The following TMEM243 variants were observed in gnomAD, a reference collection of about 807,000 sequenced individuals.
TMEM243 encodes transmembrane protein 243.
Under a neutral mutation model 15.0 loss-of-function variants are expected in TMEM243, and 20 were observed. The ratio of observed to expected loss-of-function variants is 1.33; its 90% CI spans 0.94 to 1.93. The LOEUF (loss-of-function observed/expected upper bound fraction) is 1.93, where lower values mean the gene tolerates loss of function less well. Ranked by LOEUF, TMEM243 falls within the 30% of genes most tolerant of loss-of-function variation. The pLI is 0.00. For missense variants in TMEM243, 156 were observed against 142.1 expected (o/e 1.10, Z -0.50); for synonymous variants, 72 against 52.7 (o/e 1.37, Z -1.59).
rs771750585 is a variant in TMEM243 at position 87,197,858 on chromosome 7, TAG to T, written c.234+81_234+82del. 9.8e-5 allele frequency: 157 copies of T among 1,601,296 alleles called. No individual in the cohort carries two copies. In the South Asian group the frequency reaches 1.3e-3, roughly 13 times the overall value. On this transcript the variant is annotated intron_variant, in intron 3 of 3. Transcript: ENST00000257637. ...TATAATTAAGAGATACCCTTTTGTATAGACCCAAGGCTGAAAATTTTTGTCCT... is the reference window on the plus strand; with the variant it reads ...TATAATTAAGAGATACCCTTTTGTATACCCAAGGCTGAAAATTTTTGTCCT...
rs563119708 is a variant in TMEM243 at position 87,218,323 on chromosome 7, C to A, written c.78+1103G>T. Among the ~76,000 whole-genome samples, 30 of 152,280 alleles carry A rather than the reference C, an allele frequency of 2.0e-4. No individual in the cohort carries two copies. The South Asian group carries it at 5.6e-3, about 28-fold the overall frequency. The stretch of plus-strand genomic sequence containing the variant: ...GAACAAGGTGCATCTTCCTGGAGAT[C>A]GAGTTTAAAACGCTTTCATATTAAA... On this transcript the variant is annotated intron_variant, in intron 1 of 3. Transcript: ENST00000257637.
intron 1 of TMEM243, among the ~76,000 whole-genome samples, chr7:87,215,999 G>C (rs1803086374): frequency 6.6e-6 from 1 of 152,060 alleles, no homozygotes; most frequent in South Asian, 2.1e-4. Flanking sequence ...GGCCAGGCGT[G>C]GTGGCTCACG....
intron 1 of TMEM243, among the ~76,000 whole-genome samples, chr7:87,210,330 T>C (rs972201005): frequency 1.3e-5 from 2 of 152,112 alleles, no homozygotes; most frequent in African/African-American, 4.8e-5. Context: ...CTTCTCACAT[T>C]TCAAAACCAA....
chr7:87,203,334 C>T (rs1413119359), intron 1 of TMEM243, among the ~76,000 whole-genome samples: 2 of 152,088 alleles, frequency 1.3e-5, no homozygotes, highest in Non-Finnish European at 2.9e-5. Context: ...CTACAAAGGC[C>T]AGGCATGGTG....
chr7:87,209,582 G>C (rs1289395327), intron 1 of TMEM243, among the ~76,000 whole-genome samples: 1 of 150,498 alleles, frequency 6.6e-6, no homozygotes, highest in East Asian at 2.0e-4. Flanking sequence ...GACAGTGAGA[G>C]AGACAGTGAG....
chr7:87,203,502 C>T (rs1312366270), intron 1 of TMEM243, among the ~76,000 whole-genome samples: 2 of 151,740 alleles, frequency 1.3e-5, no homozygotes, highest in East Asian at 3.9e-4. Context: ...GTAGTCTCAG[C>T]TACTTGGGAG....
At chr7:87,198,444 G>A (rs73208519) in intron 2 of TMEM243, 6,299 of 174,344 alleles carry the variant, frequency 0.036, 133 homozygotes, top group East Asian at 0.066. Context: ...GACTTCTAAT[G>A]TTGTATAGTT....
At chr7:87,214,189 G>C (rs563316042) in intron 1 of TMEM243, among the ~76,000 whole-genome samples, 1 of 152,292 alleles carries the variant, frequency 6.6e-6, no homozygotes, top group East Asian at 1.9e-4. Flanking sequence ...AGTTTCACCA[G>C]TCTAGATGGA....
chr7:87,214,932 G>A (rs1345730153), intron 1 of TMEM243, among the ~76,000 whole-genome samples: 1 of 152,154 alleles, frequency 6.6e-6, no homozygotes, highest in Non-Finnish European at 1.5e-5. Context: ...TGCATGAAAT[G>A]AAGTTTGTGT....
At chr7:87,219,318 C>A (rs1476755710) in intron 1 of TMEM243, 108 bp downstream of exon 1, 1 of 1,010,706 alleles carries the variant, frequency 9.9e-7, no homozygotes, top group Admixed American at 2.0e-5. Context: ...CCAGCTTCCT[C>A]CCTAAAAGTG....
rs13230697 is a variant in TMEM243, at chr7:87,213,904, A to G, written c.78+5522T>C. Among the ~76,000 whole-genome samples, 1,281 of 152,188 alleles carry G rather than the reference A, an allele frequency of 8.4e-3. 7 individuals are homozygous for G. Among genetic ancestry groups the G allele is most frequent in the Middle Eastern group, 0.02 (6 of 294 alleles). ...CAGAGGGCCTCCCTCTCACTATGGT[A>G]TCTACTGAGGAATTCAGTGTATGTA... is the stretch of plus-strand genomic sequence containing the variant. On this transcript the variant is annotated intron_variant, in intron 1 of 3. Transcript: ENST00000257637.
At chr7:87,216,550 A>G (rs1007668505) in intron 1 of TMEM243, among the ~76,000 whole-genome samples, 4 of 152,216 alleles carry the variant, frequency 2.6e-5, no homozygotes, top group African/African-American at 9.7e-5. Flanking sequence ...AATAGGAATA[A>G]CTTAGAATGA....
At chr7:87,208,757 C>T (rs1802402953) in intron 1 of TMEM243, among the ~76,000 whole-genome samples, 1 of 152,214 alleles carries the variant, frequency 6.6e-6, no homozygotes, top group Non-Finnish European at 1.5e-5. Context: ...GTTTTGCAGC[C>T]TGGCATCAGC....
chr7:87,203,767 T>G (rs1801997525), intron 1 of TMEM243, among the ~76,000 whole-genome samples: 1 of 152,140 alleles, frequency 6.6e-6, no homozygotes, highest in South Asian at 2.1e-4. Flanking sequence ...CTCCTGGCTC[T>G]AAAAAGAATT....
chr7:87,197,223 TC>T (rs1801364213), intron 3 of TMEM243, among the ~76,000 whole-genome samples: 1 of 152,084 alleles, frequency 6.6e-6, no homozygotes, highest in South Asian at 2.1e-4. Flanking sequence ...GGCTAGTTCT[TC>T]TTCGGGTCAT....
chr7:87,208,403 G>A (rs1162107759), intron 1 of TMEM243, among the ~76,000 whole-genome samples: 1 of 152,212 alleles, frequency 6.6e-6, no homozygotes, highest in Non-Finnish European at 1.5e-5. Context: ...AATTTTTAAA[G>A]CTCCAATGTC....
intron 2 of TMEM243, 132 bp downstream of exon 2, chr7:87,198,875 A>G (rs751222598): frequency 2.7e-6 from 2 of 740,856 alleles, no homozygotes; most frequent in Non-Finnish European, 4.3e-6. Context: ...AGCTACTCCA[A>G]TTAGCAACTG....
intron 1 of TMEM243, among the ~76,000 whole-genome samples, chr7:87,215,012 G>A (rs1016457315): frequency 6.6e-6 from 1 of 152,180 alleles, no homozygotes; most frequent in African/African-American, 2.4e-5. Flanking sequence ...GGATTTTGGA[G>A]CATTTCGGAT....
In TMEM243 at chr7:87,197,818, G is replaced by C. The variant is rs770096410; in HGVS notation, c.234+123C>G. 5.2e-6 allele frequency: 8 copies of C among 1,549,280 alleles called. No individual in the cohort carries two copies. The Admixed American group carries it at 1.4e-4, about 26-fold the overall frequency. On this transcript the variant is annotated intron_variant, in intron 3 of 3. Coordinates refer to ENST00000257637, the MANE Select transcript of TMEM243 (RefSeq NM_024315.4). ...TATTGAGAATTCTAACATACTTTTA[G>C]GGGGAGGATGAGGATATAATTAAGA...
Sources: allele counts gnomAD v4.1 joint callset (sites outside exome capture counted in the v4.1 genomes callset), GRCh38; gene constraint gnomAD v4.1.1; transcripts MANE v1.5; gene names NCBI Gene and HGNC (gene_info 2026-07-23, HGNC 2026-07-21).